Variants in KIAA1549L observed in about 807,000 individuals in gnomAD.
KIAA1549L encodes KIAA1549 like.
Under a neutral mutation model 160.7 loss-of-function variants are expected in KIAA1549L, and 88 were observed. The observed-to-expected ratio is 0.55, with a 90% CI of 0.46 to 0.65. The LOEUF (loss-of-function observed/expected upper bound fraction) is 0.65. Among genes scored for constraint, KIAA1549L ranks in the 30% least tolerant of loss-of-function variants. KIAA1549L has a pLI of 0.00. For missense variants in KIAA1549L, 2,258 were observed against 2,437.5 expected, an observed-to-expected ratio of 0.93 and a Z score of 1.55; for synonymous variants, 950 against 976.7, an observed-to-expected ratio of 0.97 and a Z score of 0.51.
At chr11:33,594,796 G>A (rs1396970251) in intron 12 of KIAA1549L, among the ~76,000 whole-genome samples, 1 of 152,206 alleles carries the variant, frequency 6.6e-6, no homozygotes, top group East Asian at 1.9e-4. Context: ...ACATGAGAGA[G>A]CATAAGCAGA....
At chr11:33,559,193 T>G (rs1854754554) in intron 6 of KIAA1549L, among the ~76,000 whole-genome samples, 1 of 152,192 alleles carries the variant, frequency 6.6e-6, no homozygotes, top group Non-Finnish European at 1.5e-5. Context: ...AGACTGGTTT[T>G]CAGCTCTGTT....
rs568122010 is a variant in KIAA1549L at position 33,573,871 on chromosome 11, A to C, written c.4231-831A>C. On this transcript the variant is annotated intron_variant, in intron 9 of 20. Coordinates refer to ENST00000658780, the MANE Select transcript of KIAA1549L (RefSeq NM_012194.3). ...ATTACAGTAGTAAAAAATTAGTAAC[A>C]GTCTAAATGCTTAATAAAGGATTGT... Among the ~76,000 whole-genome samples the C allele has an allele frequency of 7.2e-5, 11 of 152,324 alleles. No individual in the cohort carries two copies. The East Asian group carries it at 2.1e-3, about 29-fold the overall frequency.
At chr11:33,486,496 A>G (rs987714305) in intron 1 of KIAA1549L, among the ~76,000 whole-genome samples, 1 of 152,188 alleles carries the variant, frequency 6.6e-6, no homozygotes, top group Non-Finnish European at 1.5e-5. Flanking sequence ...CCCCTACTCA[A>G]AACGAATTTA....
intron 12 of KIAA1549L, among the ~76,000 whole-genome samples, chr11:33,592,673 T>C (rs77531194): frequency 6.2e-4 from 94 of 152,226 alleles, no homozygotes; most frequent in African/African-American, 2.3e-3. Flanking sequence ...AATAAACAAA[T>C]AGAGAAACAG....
rs78303658 is a variant in KIAA1549L, at chr11:33,560,525, G to A, written c.4018+614G>A. Among the ~76,000 whole-genome samples, 65 of 152,258 alleles carry A rather than the reference G, an allele frequency of 4.3e-4. No individual in the cohort carries two copies. In the East Asian group the frequency reaches 8.7e-3, roughly 20 times the overall value. On this transcript the variant is annotated intron_variant, in intron 7 of 20. Transcript: ENST00000658780. ...TGTGACTTCACTTGCTGAGGTCCCCGTAGTCTTGTGGCCTCATCTTTTTCT... is the reference window on the plus strand; with the variant it reads ...TGTGACTTCACTTGCTGAGGTCCCCATAGTCTTGTGGCCTCATCTTTTTCT...
At chr11:33,546,740 A>G (rs763093240) in intron 3 of KIAA1549L, among the ~76,000 whole-genome samples, 6 of 152,118 alleles carry the variant, frequency 3.9e-5, no homozygotes, top group Non-Finnish European at 8.8e-5. Context: ...TCTGCAGGGG[A>G]TCTATTCCGA....
At chr11:33,535,796 C>A (rs1226358276) in intron 1 of KIAA1549L, among the ~76,000 whole-genome samples, 3 of 152,074 alleles carry the variant, frequency 2.0e-5, no homozygotes, top group Non-Finnish European at 2.9e-5. Context: ...CCTGACATAC[C>A]ACCTAGATCA....
At chr11:33,517,249 T>C (rs1409233096) in intron 1 of KIAA1549L, among the ~76,000 whole-genome samples, 1 of 152,220 alleles carries the variant, frequency 6.6e-6, no homozygotes, top group Non-Finnish European at 1.5e-5. Context: ...AGGCAGCATA[T>C]TTCTATTATT....
chr11:33,561,645 A>C (rs1482823422), intron 7 of KIAA1549L, 31 bp from the exon 8 acceptor site: 1 of 1,512,880 alleles, frequency 6.6e-7, no homozygotes, highest in Non-Finnish European at 9.2e-7. Flanking sequence ...AACCTATAAA[A>C]GTAATTGGGT....
chr11:33,661,281 A>T (rs1852252145), intron 20 of KIAA1549L, among the ~76,000 whole-genome samples: 1 of 152,192 alleles, frequency 6.6e-6, no homozygotes, highest in African/African-American at 2.4e-5. Flanking sequence ...TATAATAATA[A>T]CTACCATTTG....
chr11:33,655,120 G>C (rs1852020478), intron 17 of KIAA1549L, among the ~76,000 whole-genome samples: 1 of 152,162 alleles, frequency 6.6e-6, no homozygotes, highest in African/African-American at 2.4e-5. Flanking sequence ...GGAGGTTGTG[G>C]CCTGGCTCTT....
chr11:33,502,155 C>T (rs547193298), intron 1 of KIAA1549L, among the ~76,000 whole-genome samples: 13 of 152,190 alleles, frequency 8.5e-5, no homozygotes, highest in African/African-American at 2.9e-4. Context: ...TCATTTTCCC[C>T]TCTTGTTACA....
chr11:33,410,214 A>T (rs907184309), intron 1 of KIAA1549L, among the ~76,000 whole-genome samples: 3 of 152,218 alleles, frequency 2.0e-5, no homozygotes, highest in Admixed American at 6.5e-5. Flanking sequence ...GATCTATCAC[A>T]GGCTTTGGAA....
chr11:33,622,591 T>A (rs1031589985), intron 16 of KIAA1549L, among the ~76,000 whole-genome samples: 16 of 152,100 alleles, frequency 1.1e-4, no homozygotes, highest in Non-Finnish European at 2.4e-4. Context: ...TGCACACAAG[T>A]GCATCTAACT....
At chr11:33,428,179 A>G (rs549168470) in intron 1 of KIAA1549L, among the ~76,000 whole-genome samples, 1 of 152,364 alleles carries the variant, frequency 6.6e-6, no homozygotes, top group Non-Finnish European at 1.5e-5. Context: ...TCACTTTTAA[A>G]GGAGCCACCA....
At chr11:33,660,326 C>CCAA (rs1458038094) in intron 19 of KIAA1549L, among the ~76,000 whole-genome samples, 1 of 152,070 alleles carries the variant, frequency 6.6e-6, no homozygotes, top group Admixed American at 6.5e-5. Context: ...GTCTGTAATC[C>CCAA]CAACACTTTG....
rs767379912 is a variant in KIAA1549L at position 33,404,709 on chromosome 11, CAAAAT to C, written c.238+27825_238+27829del. 2.9e-4 allele frequency among the ~76,000 whole-genome samples: 44 copies of C among 151,872 alleles called. No homozygotes were observed. The South Asian group carries it at 3.5e-3, about 12-fold the overall frequency. On this transcript the variant is annotated intron_variant, in intron 1 of 20. Coordinates refer to ENST00000658780, the MANE Select transcript of KIAA1549L (RefSeq NM_012194.3). ...TTATAATCACAACAATAATGAAAAA[CAAAAT>C]AAAAGTTATTTAAAGCTGGGCACAG...
chr11:33,590,651 C>T (rs1055649517), intron 11 of KIAA1549L, among the ~76,000 whole-genome samples: 1 of 152,166 alleles, frequency 6.6e-6, no homozygotes, highest in South Asian at 2.1e-4. Flanking sequence ...AATGATTGTA[C>T]GGCTTCACAT....
rs957307236 is a variant in KIAA1549L, at chr11:33,598,188, GTT to G, written c.4752-630_4752-629del. Among the ~76,000 whole-genome samples the G allele has an allele frequency of 8.6e-5, 11 of 127,326 alleles. 1 individual carries two copies. Among genetic ancestry groups the G allele is most frequent in the Admixed American group, 3.4e-4 (4 of 11,748 alleles). The allele number at this position is 127,326 out of a possible 152,430, so 83.5% of individuals were successfully genotyped here. On this transcript the variant is annotated intron_variant, in intron 12 of 20. Coordinates refer to ENST00000658780, the MANE Select transcript of KIAA1549L (RefSeq NM_012194.3). ...ACAGTTAGAGAGTTAGAGAGAGAAT[GTT>G]TGTGTGTGTGTGTGTGTGTGTGTGT...
Sources: allele counts gnomAD v4.1 joint callset (sites outside exome capture counted in the v4.1 genomes callset), GRCh38; gene constraint gnomAD v4.1.1; transcripts MANE v1.5; gene names NCBI Gene and HGNC (gene_info 2026-07-23, HGNC 2026-07-21).